The following BAAT variants were observed in gnomAD, a reference collection of about 807,000 sequenced individuals.
The protein encoded by BAAT is bile acid CoA: amino acid N-acyltransferase (glycine N-choloyltransferase).
BAAT carries 13 observed loss-of-function variants against 18.9 expected under a neutral mutation model. The ratio of observed to expected loss-of-function variants is 0.69; its 90% confidence interval spans 0.45 to 1.10. The LOEUF (loss-of-function observed/expected upper bound fraction) is 1.10, where lower values mean the gene tolerates loss of function less well. Among genes scored for constraint, BAAT ranks in the 50% least tolerant of loss-of-function variants. The probability of loss-of-function intolerance (pLI) is 0.00; values close to 1 mark genes in which losing one functional copy is unlikely to be tolerated. For synonymous variants in BAAT, 170 were observed against 190.7 expected, an observed-to-expected ratio of 0.89 and a Z score of 0.89; for missense variants, 489 against 504.0, an observed-to-expected ratio of 0.97 and a Z score of 0.28.
At chr9:101,371,618 A>C in intron 1 of BAAT, 155 bp from the exon 2 acceptor site, 2 of 601,454 alleles carry the variant, frequency 3.3e-6, no homozygotes, top group Non-Finnish European at 5.9e-6. Context: ...AAGACACCTG[A>C]GAGCTTTCAA....
chr9:101,383,780 C>T (rs1296879309), intron 1 of BAAT, among the ~76,000 whole-genome samples: 1 of 152,042 alleles, frequency 6.6e-6, no homozygotes, highest in Non-Finnish European at 1.5e-5. Flanking sequence ...GTTGTTTGAC[C>T]CCTATTGGCA....
chr9:101,374,736 G>T (rs1180290804), intron 1 of BAAT, among the ~76,000 whole-genome samples: 2 of 151,936 alleles, frequency 1.3e-5, no homozygotes, highest in African/African-American at 4.8e-5. Flanking sequence ...AGGAACCAAA[G>T]AAGTCAAATA....
chr9:101,368,340 A>G lies in BAAT; in HGVS notation c.467-18T>C. The G allele has an allele frequency of 6.2e-7, 1 of 1,606,602 alleles. No homozygotes were observed. The highest frequency in any genetic ancestry group is 8.5e-7 in the Non-Finnish European group (1 of 1,176,074). On this transcript the variant is annotated intron_variant, in intron 2 of 3. Coordinates refer to ENST00000259407, the MANE Select transcript of BAAT (RefSeq NM_001701.4). ...ACCCTCTCCTGAAAAATAACAAAAC[A>G]GAATTGTACATGAAGAGAAGGTGTG...
chr9:101,369,620 A>G (rs574439970), intron 2 of BAAT, among the ~76,000 whole-genome samples: 3 of 152,284 alleles, frequency 2.0e-5, no homozygotes, highest in Admixed American at 2.0e-4. Context: ...CAATAAGCAG[A>G]TTTTTAACTG....
At chr9:101,378,472 A>G (rs1218861794) in intron 1 of BAAT, among the ~76,000 whole-genome samples, 1 of 152,248 alleles carries the variant, frequency 6.6e-6, no homozygotes, top group Non-Finnish European at 1.5e-5. Context: ...AAAACAAGCA[A>G]CAGAGAAAGG....
chr9:101,364,127 C>G (rs116027432), intron 3 of BAAT, among the ~76,000 whole-genome samples: 1 of 152,146 alleles, frequency 6.6e-6, no homozygotes, highest in African/African-American at 2.4e-5. Flanking sequence ...CTAATATGAC[C>G]TTGATTTTGT....
chr9:101,363,149 A>C, intron 3 of BAAT, 134 bp from the exon 4 acceptor site: 2 of 824,212 alleles, frequency 2.4e-6, no homozygotes, highest in Admixed American at 2.3e-5. Flanking sequence ...CCCTAGCTAT[A>C]GAGTTCTGGA....
intron 3 of BAAT, among the ~76,000 whole-genome samples, chr9:101,366,894 T>C (rs1448827959): frequency 6.6e-6 from 1 of 151,438 alleles, no homozygotes; most frequent in Non-Finnish European, 1.5e-5. Flanking sequence ...GGTGGATCAC[T>C]TGAGGTCAGG....
At chr9:101,372,175 G>C (rs1183778078) in intron 1 of BAAT, among the ~76,000 whole-genome samples, 1 of 151,988 alleles carries the variant, frequency 6.6e-6, no homozygotes, top group East Asian at 1.9e-4. Context: ...ATGGGGGCAA[G>C]GGCTGAAAAA....
chr9:101,375,413 TA>T, intron 1 of BAAT: 1 of 207,376 alleles, frequency 4.8e-6, no homozygotes, highest in Non-Finnish European at 1.1e-5. Context: ...TTCAGGATCC[TA>T]AACTTCTCAT....
chr9:101,383,387 A>C (rs1830160156), intron 1 of BAAT: 1 of 152,234 alleles, frequency 6.6e-6, no homozygotes, highest in South Asian at 2.1e-4. Flanking sequence ...GAGGTAAATA[A>C]ACTCTGATTT....
At position 101,362,431 on chromosome 9, in the gene BAAT, G is replaced by A; in HGVS notation, c.1254C>T (p.Leu418=). The stretch of plus-strand genomic sequence containing the variant: ...TTTCTAGGAATATCTAGTCTTCTTA[G>A]AGTTGACTGGTCACATCTGGAATGA... ...KHLIPDVTSQ[L] Residue 418 remains leucine (L), a synonymous_variant, in exon 4 of 4, where the codon CTC becomes CTT. Transcript: ENST00000259407. 1 of 1,613,742 alleles carries A rather than the reference G, an allele frequency of 6.2e-7. No individual in the cohort carries two copies. Among genetic ancestry groups the A allele is most frequent in the South Asian group, 1.1e-5 (1 of 91,074 alleles).
rs965075262 is a variant in BAAT, at chr9:101,363,877, C to T, written c.670-862G>A. 5.3e-5 allele frequency among the ~76,000 whole-genome samples: 8 copies of T among 152,136 alleles called. No homozygotes were observed. The South Asian group carries it at 6.2e-4, about 12-fold the overall frequency. Reference sequence around the variant, plus strand: ...AAACTAAAAAATTAGTTGAATATGGCGGTGTGTGCCTGTAGGCCCAGCTAC... The same window carrying T: ...AAACTAAAAAATTAGTTGAATATGGTGGTGTGTGCCTGTAGGCCCAGCTAC... On this transcript the variant is annotated intron_variant, in intron 3 of 3. Transcript: ENST00000259407.
chr9:101,362,701 A>G lies in BAAT; in HGVS notation c.984T>C (p.Asp328=), dbSNP rs1270571873. ...GQFLFIVGEG[D]KTINSKAHAE... is the part of the protein sequence containing the mutation. ...CGTGTGCTTTGCTGTTGATAGTCTT[A>G]TCACCTTCTCCTACAATGAAGAGGA... is the stretch of plus-strand genomic sequence containing the variant. The change falls in exon 4 of 4, where the codon GAT becomes GAC. Residue 328 remains aspartate (D), a synonymous_variant. Coordinates refer to ENST00000259407, the MANE Select transcript of BAAT (RefSeq NM_001701.4). The G allele has an allele frequency of 6.2e-7, 1 of 1,614,180 alleles. No homozygotes were observed. Among genetic ancestry groups the G allele is most frequent in the Non-Finnish European group, 8.5e-7 (1 of 1,180,034 alleles).
intron 1 of BAAT, among the ~76,000 whole-genome samples, chr9:101,379,433 C>G (rs1161415767): frequency 6.6e-6 from 1 of 152,204 alleles, no homozygotes; most frequent in Non-Finnish European, 1.5e-5. Flanking sequence ...TTAAAAAAAT[C>G]TGAGATTCTT....
chr9:101,370,288 G>C (rs1281790447), intron 2 of BAAT, among the ~76,000 whole-genome samples: 2 of 150,008 alleles, frequency 1.3e-5, no homozygotes, highest in Non-Finnish European at 3.0e-5. Context: ...AGTATTGCCA[G>C]GTTCTATGAT....
rs183174245 is a variant in BAAT, at chr9:101,367,641, C to A, written c.669+479G>T. Among the ~76,000 whole-genome samples the A allele has an allele frequency of 8.5e-5, 13 of 152,120 alleles. No individual in the cohort carries two copies. In the East Asian group the frequency reaches 2.5e-3, roughly 29 times the overall value. ...AAGTGGGACTACAGGTGCCTGCTAC[C>A]ACACCCAGCTATTTTTTTAGTATTT... On this transcript the variant is annotated intron_variant, in intron 3 of 3. Coordinates refer to ENST00000259407, the MANE Select transcript of BAAT (RefSeq NM_001701.4).
At chr9:101,370,860 T>G in intron 2 of BAAT, 79 bp downstream of exon 2, 2 of 1,455,526 alleles carry the variant, frequency 1.4e-6, no homozygotes, top group Non-Finnish European at 1.9e-6. Flanking sequence ...CTACAAGCTA[T>G]TCAAGCTAAA....
intron 1 of BAAT, among the ~76,000 whole-genome samples, chr9:101,380,500 C>T (rs936323890): frequency 6.6e-6 from 1 of 152,120 alleles, no homozygotes; most frequent in Admixed American, 6.5e-5. Context: ...TGCTCACTTA[C>T]CACAGAGCAA....
Sources: allele counts gnomAD v4.1 joint callset (sites outside exome capture counted in the v4.1 genomes callset), GRCh38; gene constraint gnomAD v4.1.1; transcripts MANE v1.5; gene names NCBI Gene and HGNC (gene_info 2026-07-23, HGNC 2026-07-21).